The following KLF8 variants were observed in gnomAD, a reference collection of about 807,000 sequenced individuals.
KLF8 encodes the protein Krueppel-like factor 8.
In KLF8, 10 loss-of-function variants were observed where a neutral mutation model predicts 18.2. The ratio of observed to expected loss-of-function variants is 0.55; its 90% CI spans 0.34 to 0.93. KLF8 has a LOEUF of 0.93. Among genes scored for constraint, KLF8 ranks in the 40% least tolerant of loss-of-function variants. The pLI is 0.02. For synonymous variants in KLF8, 109 were observed against 97.3 expected (o/e 1.12, Z -0.71); for missense variants, 264 against 277.9 (o/e 0.95, Z 0.36).
At chrX:56,109,830 G>T in the KLF8 span, among the ~76,000 whole-genome samples, 2 of 109,690 alleles carry the variant, frequency 1.8e-5, no homozygotes, top group East Asian at 5.7e-4. Context: ...AGGATGTGTA[G>T]GTTTGTTACA....
At chrX:56,258,559 G>A (rs777440647) in intron 2 of KLF8, among the ~76,000 whole-genome samples, 11 of 112,404 alleles carry the variant, frequency 9.8e-5, no homozygotes, top group African/African-American at 3.5e-4. Flanking sequence ...ACAGGCGTGA[G>A]CCACCGCACC....
At chrX:56,167,622 T>A in the KLF8 span, among the ~76,000 whole-genome samples, 1 of 112,210 alleles carries the variant, frequency 8.9e-6, no homozygotes, top group African/African-American at 3.2e-5. Flanking sequence ...GCCAAAGGAC[T>A]ACTGGGGAAT....
chrX:55,984,270 C>A, the KLF8 span, among the ~76,000 whole-genome samples: 1 of 110,381 alleles, frequency 9.1e-6, no homozygotes, highest in African/African-American at 3.3e-5. Flanking sequence ...TTTCCTGATG[C>A]TCTCCCTCTA....
At chrX:56,274,702 C>A (rs1254771310) in intron 5 of KLF8, among the ~76,000 whole-genome samples, 2 of 111,528 alleles carry the variant, frequency 1.8e-5, no homozygotes, top group Non-Finnish European at 3.8e-5. Context: ...ATATAGGGTT[C>A]TAGTTTATTC....
the KLF8 span, among the ~76,000 whole-genome samples, chrX:56,180,267 A>T: frequency 9.0e-6 from 1 of 111,709 alleles, no homozygotes; most frequent in Admixed American, 9.6e-5. Flanking sequence ...ATTTGAGTAG[A>T]GATGTTTATA....
At chrX:56,026,343 G>A in the KLF8 span, among the ~76,000 whole-genome samples, 1 of 112,020 alleles carries the variant, frequency 8.9e-6, no homozygotes, top group African/African-American at 3.2e-5. Context: ...AGCTGAGATT[G>A]TCTGGGTAAT....
the KLF8 span, among the ~76,000 whole-genome samples, chrX:55,931,009 G>A: frequency 9.0e-6 from 1 of 111,701 alleles, no homozygotes; most frequent in Non-Finnish European, 1.9e-5. Flanking sequence ...GAATCCATCT[G>A]GTCCTGGGTT....
chrX:56,186,845 C>T, the KLF8 span, among the ~76,000 whole-genome samples: 1 of 111,985 alleles, frequency 8.9e-6, no homozygotes. Context: ...AAAGACACAA[C>T]ATACCAGAAT....
At chrX:56,135,659 C>A in the KLF8 span, among the ~76,000 whole-genome samples, 1 of 109,949 alleles carries the variant, frequency 9.1e-6, no homozygotes, top group African/African-American at 3.3e-5. Context: ...ATGTAACTAA[C>A]CTGCACATTG....
At chrX:56,130,964 G>T in the KLF8 span, among the ~76,000 whole-genome samples, 13,750 of 110,767 alleles carry the variant, frequency 0.12, 1,546 homozygotes, top group African/African-American at 0.36. Context: ...AAAGAGAAAA[G>T]AATTTCAAAA....
the KLF8 span, among the ~76,000 whole-genome samples, chrX:56,057,279 AG>A: frequency 9.0e-6 from 1 of 111,140 alleles, no homozygotes; most frequent in African/African-American, 3.3e-5. Context: ...TGTTGGTGCA[AG>A]GGTGGGCCTT....
the KLF8 span, among the ~76,000 whole-genome samples, chrX:56,039,377 A>C: frequency 2.7e-5 from 3 of 111,371 alleles, no homozygotes; most frequent in Non-Finnish European, 5.7e-5. Flanking sequence ...CTCTTGAGTT[A>C]ATTTTTGTAT....
the KLF8 span, among the ~76,000 whole-genome samples, chrX:56,135,999 A>G: frequency 9.0e-6 from 1 of 111,699 alleles, no homozygotes; most frequent in Non-Finnish European, 1.9e-5. Context: ...TCCCATTCAC[A>G]ATTGCTTCAA....
rs1203788341 is a variant in KLF8, at chrX:56,286,134, C to T, written c.*1640C>T. On this transcript the variant is annotated 3_prime_UTR_variant, in exon 6 of 6. Transcript: ENST00000468660. ...GCCCTTATACACCTGCACGCTTATT[C>T]TCCTGGGGATCACATAATTTTATTT... 9.0e-6 allele frequency: 1 copy of T among 110,675 alleles called. No individual in the cohort carries two copies. The highest frequency in any genetic ancestry group is 1.9e-5 in the Non-Finnish European group (1 of 52,903). 9.1% of individuals were successfully genotyped at this position (110,675 alleles called of 1,213,427 possible). A position where few individuals can be genotyped will look rare whatever the true frequency, so the allele number is the denominator to read the frequency against.
the KLF8 span, among the ~76,000 whole-genome samples, chrX:56,198,658 T>A: frequency 8.9e-6 from 1 of 111,965 alleles, no homozygotes; most frequent in Non-Finnish European, 1.9e-5. Flanking sequence ...AAAATGGCCA[T>A]ACTGCCCAAA....
the KLF8 span, among the ~76,000 whole-genome samples, chrX:56,043,604 A>T: frequency 2.7e-5 from 3 of 110,615 alleles, no homozygotes; most frequent in African/African-American, 9.9e-5. Flanking sequence ...TGCTTTTTCT[A>T]TTCTGTGATT....
At chrX:56,088,101 A>G in the KLF8 span, among the ~76,000 whole-genome samples, 1 of 111,757 alleles carries the variant, frequency 8.9e-6, no homozygotes, top group Non-Finnish European at 1.9e-5. Context: ...TGTAAAAGGA[A>G]ATATGGAAAT....
the KLF8 span, among the ~76,000 whole-genome samples, chrX:56,020,237 G>A: frequency 1.8e-5 from 2 of 111,486 alleles, no homozygotes; most frequent in Non-Finnish European, 3.8e-5. Context: ...TTTATTTAGA[G>A]AAGATAAGAG....
the KLF8 span, among the ~76,000 whole-genome samples, chrX:55,993,656 G>A: frequency 8.9e-6 from 1 of 111,841 alleles, no homozygotes; most frequent in East Asian, 2.8e-4. Flanking sequence ...TCAATTTTGT[G>A]GAATAGTTTC....
Sources: gnomAD v4.1 joint callset for allele counts (sites outside exome capture counted in the v4.1 genomes callset) on GRCh38, gnomAD v4.1.1 for gene constraint, MANE v1.5 for transcripts, NCBI Gene and HGNC (gene_info 2026-07-23, HGNC 2026-07-21) for gene names.